AKAP6: variants seen among roughly 807,000 people sequenced by gnomAD.
The protein encoded by AKAP6 is A-kinase anchoring protein 6.
In AKAP6, 58 loss-of-function variants were observed where a neutral mutation model predicts 188.5. The ratio of observed to expected loss-of-function variants is 0.31; its 90% confidence interval spans 0.25 to 0.38. The LOEUF is 0.38. Among genes scored for constraint, AKAP6 ranks in the 10% least tolerant of loss-of-function variants. AKAP6 has a pLI of 1.00. For missense variants in AKAP6, 2,710 were observed against 2,740.0 expected, an observed-to-expected ratio of 0.99 and a Z score of 0.24; for synonymous variants, 989 against 998.6, an observed-to-expected ratio of 0.99 and a Z score of 0.18.
intron 1 of AKAP6, among the ~76,000 whole-genome samples, chr14:32,427,204 G>A (rs1241086199): frequency 6.6e-6 from 1 of 152,162 alleles, no homozygotes; most frequent in African/African-American, 2.4e-5. Context: ...GCCTGTTATT[G>A]CAAGAGGATT....
intron 2 of AKAP6, among the ~76,000 whole-genome samples, chr14:32,506,351 C>T (rs1594687448): frequency 6.6e-6 from 1 of 152,038 alleles, no homozygotes; most frequent in South Asian, 2.1e-4. Flanking sequence ...GCCGATAAGT[C>T]TAGGTGTGTC....
chr14:32,504,161 T>G (rs529636478), intron 2 of AKAP6, among the ~76,000 whole-genome samples: 1 of 152,252 alleles, frequency 6.6e-6, no homozygotes. Context: ...AAGTTTATTC[T>G]AAGGTATTTT....
At chr14:32,631,086 T>C (rs1223180700) in intron 7 of AKAP6, among the ~76,000 whole-genome samples, 1 of 152,076 alleles carries the variant, frequency 6.6e-6, no homozygotes, top group East Asian at 1.9e-4. Flanking sequence ...TATTAAGAAA[T>C]ATACTTTCCA....
chr14:32,358,893 C>G (rs1049631770), intron 1 of AKAP6, among the ~76,000 whole-genome samples: 3 of 152,120 alleles, frequency 2.0e-5, no homozygotes, highest in Admixed American at 6.6e-5. Flanking sequence ...GGCCTTAGAG[C>G]TCTGGTAAAA....
At position 32,490,291 on chromosome 14, in the gene AKAP6, T is replaced by C. The variant is rs546920772; in HGVS notation, c.325-45263T>C. The stretch of plus-strand genomic sequence containing the variant: ...ATGGCTTAGCTCGGGCTCAGAGGCC[T>C]GACATTGCTGTCTTTTGCTCAACAT... On this transcript the variant is annotated intron_variant, in intron 2 of 13. Coordinates refer to ENST00000280979, the MANE Select transcript of AKAP6 (RefSeq NM_004274.5). 2.6e-5 allele frequency among the ~76,000 whole-genome samples: 4 copies of C among 152,328 alleles called. No homozygotes were observed. In the East Asian group the frequency reaches 7.7e-4, roughly 29 times the overall value.
intron 11 of AKAP6, among the ~76,000 whole-genome samples, chr14:32,771,660 C>T (rs2032901454): frequency 6.6e-6 from 1 of 152,184 alleles, no homozygotes; most frequent in Admixed American, 6.5e-5. Flanking sequence ...CCTGTGCTAA[C>T]TCTGCACATA....
chr14:32,729,796 A>G (rs565774861), intron 9 of AKAP6, among the ~76,000 whole-genome samples: 2 of 152,260 alleles, frequency 1.3e-5, no homozygotes, highest in African/African-American at 4.8e-5. Flanking sequence ...AAGCTTTCTG[A>G]CTTTAACTTT....
chr14:32,687,031 A>G (rs1435773620), intron 8 of AKAP6, among the ~76,000 whole-genome samples: 2 of 152,204 alleles, frequency 1.3e-5, no homozygotes, highest in Admixed American at 1.3e-4. Flanking sequence ...GTTAATCCCA[A>G]GCACAACAGG....
At chr14:32,348,717 T>C (rs7148036) in intron 1 of AKAP6, among the ~76,000 whole-genome samples, 41,624 of 152,026 alleles carry the variant, frequency 0.27, 5,837 homozygotes, top group East Asian at 0.4. Context: ...CCAGCCCCAT[T>C]GTGTTTCTTT....
chr14:32,330,244 T>C (rs1389253905), intron 1 of AKAP6, among the ~76,000 whole-genome samples: 1 of 152,070 alleles, frequency 6.6e-6, no homozygotes, highest in Non-Finnish European at 1.5e-5. Context: ...GATGAATAAA[T>C]ATCAGGGTCC....
intron 2 of AKAP6, among the ~76,000 whole-genome samples, chr14:32,467,008 A>C (rs1407262329): frequency 6.6e-6 from 1 of 151,262 alleles, no homozygotes; most frequent in Non-Finnish European, 1.5e-5. Context: ...AAGAGTATAC[A>C]TGGACACAGA....
In AKAP6 at chr14:32,561,772, C is replaced by T. The variant is rs150934915; in HGVS notation, c.2346+14773C>T. ...TGGTGACAGTAAACAAGTGAGTTAC[C>T]CAGTAAGAATTAGATATGGATTAGC... On this transcript the variant is annotated intron_variant, in intron 4 of 13. Transcript: ENST00000280979. Among the ~76,000 whole-genome samples the T allele has an allele frequency of 5.9e-5, 9 of 152,190 alleles. 1 individual carries two copies. The highest frequency in any genetic ancestry group is 9.6e-5 in the African/African-American group (4 of 41,522).
At chr14:32,583,435 C>G (rs1885074614) in intron 5 of AKAP6, among the ~76,000 whole-genome samples, 2 of 152,192 alleles carry the variant, frequency 1.3e-5, no homozygotes, top group South Asian at 4.1e-4. Flanking sequence ...GCTCGGGGGT[C>G]AGGGGTCAGG....
intron 1 of AKAP6, among the ~76,000 whole-genome samples, chr14:32,414,820 CT>C (rs1465053267): frequency 6.2e-4 from 94 of 152,178 alleles, no homozygotes; most frequent in Non-Finnish European, 1.6e-4. Context: ...AATTCAGCCT[CT>C]ATTTAGCTTT....
At chr14:32,457,756 G>T (rs1171455178) in intron 2 of AKAP6, among the ~76,000 whole-genome samples, 1 of 152,140 alleles carries the variant, frequency 6.6e-6, no homozygotes, top group Non-Finnish European at 1.5e-5. Flanking sequence ...TTTCTGAATT[G>T]TTCCATTGGC....
chr14:32,362,145 A>G (rs141586166), intron 1 of AKAP6, among the ~76,000 whole-genome samples: 1 of 152,250 alleles, frequency 6.6e-6, no homozygotes, highest in Non-Finnish European at 1.5e-5. Context: ...CTACCTGTAG[A>G]CCAGTGAGTG....
In AKAP6 at chr14:32,821,633, G is replaced by A. The variant is rs199608826; in HGVS notation, c.3820G>A (p.Ala1274Thr). 6 of 1,613,678 alleles carry A rather than the reference G, an allele frequency of 3.7e-6. No individual in the cohort carries two copies. The East Asian group carries it at 1.1e-4, about 30-fold the overall frequency. The stretch of plus-strand genomic sequence containing the variant: ...TGATAACCATGGGGGATCTCAGTAT[G>A]CCTCAAATATTACTGCCCCCTCTAG... ...EADNHGGSQY[A>T]SNITAPSSPH... is the part of the protein sequence containing the mutation. The change falls in exon 13 of 14, where the codon GCC (alanine) becomes ACC (threonine). Residue 1274 changes from alanine (A) to threonine (T), a missense_variant. Physicochemically the swap from Ala to Thr is moderately conservative, Grantham distance 58. This residue lies in a region of AKAP6 where 2,473 missense variants were observed against 2,426.1 expected (regional missense o/e 1.02). Transcript: ENST00000280979.
At chr14:32,472,904 G>A (rs1209904220) in intron 2 of AKAP6, among the ~76,000 whole-genome samples, 1 of 151,724 alleles carries the variant, frequency 6.6e-6, no homozygotes, top group African/African-American at 2.4e-5. Context: ...GAAAAAAAAA[G>A]AGAAAATGAT....
intron 7 of AKAP6, among the ~76,000 whole-genome samples, chr14:32,664,777 C>T (rs1888850049): frequency 6.6e-6 from 1 of 152,016 alleles, no homozygotes. Flanking sequence ...TAGGAAGTCT[C>T]AGCTTCACAT....
Sources: gnomAD v4.1 joint callset for allele counts (sites outside exome capture counted in the v4.1 genomes callset) on GRCh38, gnomAD v4.1.1 for gene constraint, gnomAD v4.1.1 regional missense constraint, MANE v1.5 for transcripts, NCBI Gene and HGNC (gene_info 2026-07-23, HGNC 2026-07-21) for gene names.